SUFU: variants seen among roughly 807,000 people sequenced by gnomAD.
SUFU encodes SUFU negative regulator of hedgehog signaling.
SUFU carries 7 observed loss-of-function variants against 58.9 expected under a neutral mutation model. That is an observed-to-expected ratio of 0.12 (90% CI 0.07 to 0.22). The LOEUF (loss-of-function observed/expected upper bound fraction) is 0.22, where lower values mean the gene tolerates loss of function less well. Among genes scored for constraint, SUFU ranks in the 10% least tolerant of loss-of-function variants. The pLI is 1.00. For synonymous variants in SUFU, 232 were observed against 254.8 expected (o/e 0.91, Z 0.85); for missense variants, 451 against 641.3 (o/e 0.70, Z 3.20).
At chr10:102,608,565 G>A (rs938024942) in intron 8 of SUFU, among the ~76,000 whole-genome samples, 1 of 152,144 alleles carries the variant, frequency 6.6e-6, no homozygotes, top group Non-Finnish European at 1.5e-5. Flanking sequence ...TGTCTCAGGG[G>A]CACAGAAGAT....
chr10:102,609,362 G>T (rs1355529704), intron 8 of SUFU, among the ~76,000 whole-genome samples: 1 of 152,180 alleles, frequency 6.6e-6, no homozygotes, highest in East Asian at 1.9e-4. Context: ...ATATAGGTCT[G>T]TAGAGAATAC....
chr10:102,590,334 T>G (rs988171057), intron 3 of SUFU, among the ~76,000 whole-genome samples: 10 of 151,646 alleles, frequency 6.6e-5, no homozygotes, highest in Non-Finnish European at 1.3e-4. Context: ...CCCTGCTAAT[T>G]TTTTGTATTT....
chr10:102,571,091 C>T (rs1046437664), intron 3 of SUFU, among the ~76,000 whole-genome samples: 8 of 152,180 alleles, frequency 5.3e-5, no homozygotes, highest in African/African-American at 1.9e-4. Context: ...CAAGGTTACA[C>T]AGTAAGAAAA....
chr10:102,528,080 T>C (rs575179072), intron 2 of SUFU, among the ~76,000 whole-genome samples: 1 of 152,308 alleles, frequency 6.6e-6, no homozygotes, highest in South Asian at 2.1e-4. Context: ...AGCACTGGGC[T>C]TCTTCCTTGG....
intron 3 of SUFU, among the ~76,000 whole-genome samples, chr10:102,582,324 A>C (rs2063289715): frequency 6.6e-6 from 1 of 152,224 alleles, no homozygotes; most frequent in African/African-American, 2.4e-5. Flanking sequence ...GAACTCTTGA[A>C]GAATGTATTT....
At chr10:102,527,237 T>C (rs888302972) in intron 2 of SUFU, among the ~76,000 whole-genome samples, 17 of 151,948 alleles carry the variant, frequency 1.1e-4, no homozygotes, top group South Asian at 2.1e-4. Flanking sequence ...CTCCTGACCT[T>C]GTGATCCGCC....
intron 2 of SUFU, among the ~76,000 whole-genome samples, chr10:102,536,096 G>C (rs541674422): frequency 5.0e-4 from 76 of 152,138 alleles, no homozygotes; most frequent in Admixed American, 1.2e-3. Flanking sequence ...AGCCTCCTAA[G>C]TAGCTGGGAC....
chr10:102,507,190 G>A (rs2062338003), intron 1 of SUFU, among the ~76,000 whole-genome samples: 1 of 152,212 alleles, frequency 6.6e-6, no homozygotes, highest in Non-Finnish European at 1.5e-5. Flanking sequence ...TGAAGGTTAA[G>A]CTTCTCTCCT....
chr10:102,564,161 A>T (rs2063065995), intron 3 of SUFU, among the ~76,000 whole-genome samples: 1 of 152,194 alleles, frequency 6.6e-6, no homozygotes, highest in South Asian at 2.1e-4. Context: ...TTGAGTGAGG[A>T]GTTCAGAGTA....
At chr10:102,587,803 G>T (rs867069005) in intron 3 of SUFU, among the ~76,000 whole-genome samples, 1 of 152,018 alleles carries the variant, frequency 6.6e-6, no homozygotes. Flanking sequence ...CAGCACAAAA[G>T]GTTTTAATTT....
At chr10:102,520,220 T>C (rs11191316) in intron 2 of SUFU, among the ~76,000 whole-genome samples, 40,608 of 141,894 alleles carry the variant, frequency 0.29, 5,395 homozygotes, top group Admixed American at 0.34. Context: ...TTCTTTTTTT[T>C]TTTTTTTTTT....
At chr10:102,581,419 A>C (rs1243822300) in intron 3 of SUFU, among the ~76,000 whole-genome samples, 1 of 152,088 alleles carries the variant, frequency 6.6e-6, no homozygotes, top group African/African-American at 2.4e-5. Flanking sequence ...TCCTCCTCTC[A>C]CTGGGGAGTC....
At position 102,631,190 on chromosome 10, in the gene SUFU, G is replaced by C. The variant is rs1172576933; in HGVS notation, c.*1035G>C. The C allele has an allele frequency of 4.3e-6, 1 of 233,292 alleles. No homozygotes were observed. The highest frequency in any genetic ancestry group is 8.5e-6 in the Non-Finnish European group (1 of 118,164). The allele number at this position is 233,292 out of a possible 1,614,324, so 14.5% of individuals were successfully genotyped here. On this transcript the variant is annotated 3_prime_UTR_variant, in exon 12 of 12. Transcript: ENST00000369902. ...GGGCCTCCCAGCCTTCAGGCTGTAGGGCTGCCTTACTAAAATTGAAAAATC... is the reference window on the plus strand; with the variant it reads ...GGGCCTCCCAGCCTTCAGGCTGTAGCGCTGCCTTACTAAAATTGAAAAATC...
At chr10:102,503,078 C>T (rs1240209460), upstream of SUFU, among the ~76,000 whole-genome samples, 1 of 152,136 alleles carries the variant, frequency 6.6e-6, no homozygotes, top group Non-Finnish European at 1.5e-5. Context: ...CCCTGCCACT[C>T]CCCCCGACGT....
At chr10:102,519,736 C>T (rs1019676156) in intron 2 of SUFU, among the ~76,000 whole-genome samples, 3 of 152,008 alleles carry the variant, frequency 2.0e-5, no homozygotes, top group Non-Finnish European at 4.4e-5. Context: ...TTTTTAAATT[C>T]CTTTAATGAT....
chr10:102,527,961 C>T lies in SUFU; in HGVS notation c.317+18658C>T, dbSNP rs117821226. Among the ~76,000 whole-genome samples, 23 of 152,276 alleles carry T rather than the reference C, an allele frequency of 1.5e-4. 1 individual carries two copies. The East Asian group carries it at 3.9e-3, about 26-fold the overall frequency. On this transcript the variant is annotated intron_variant, in intron 2 of 11. Coordinates refer to ENST00000369902, the MANE Select transcript of SUFU (RefSeq NM_016169.4). ...TTCCCAAATCAGACTGTGATCTTGT[C>T]GCCATTGGCCTAGCCTGTCTTTTTT...
intron 8 of SUFU, among the ~76,000 whole-genome samples, chr10:102,607,911 A>C (rs2063578906): frequency 6.6e-6 from 1 of 150,856 alleles, no homozygotes; most frequent in African/African-American, 2.5e-5. Context: ...ATTCCATCTC[A>C]AACAAAAAAA....
intron 5 of SUFU, 71 bp from the exon 6 acceptor site, chr10:102,593,922 G>A (rs1371239423): frequency 6.3e-7 from 1 of 1,576,896 alleles, no homozygotes; most frequent in East Asian, 2.2e-5. Context: ...CAGCAAACAG[G>A]GCAGGCTGTA....
intron 1 of SUFU, among the ~76,000 whole-genome samples, chr10:102,507,681 A>C (rs926297848): frequency 6.6e-6 from 1 of 152,262 alleles, no homozygotes; most frequent in Non-Finnish European, 1.5e-5. Context: ...AACAAGACCA[A>C]CTGGTTTTAA....
Sources: allele counts gnomAD v4.1 joint callset (sites outside exome capture counted in the v4.1 genomes callset), GRCh38; gene constraint gnomAD v4.1.1; transcripts MANE v1.5; gene names NCBI Gene and HGNC (gene_info 2026-07-23, HGNC 2026-07-21).